The following SLC20A2 variants were observed in gnomAD, a reference collection of about 807,000 sequenced individuals.
The protein encoded by SLC20A2 is sodium-dependent phosphate transporter 2.
SLC20A2 carries 30 observed loss-of-function variants against 61.0 expected under a neutral mutation model. That is an observed-to-expected ratio of 0.49 (90% confidence interval 0.37 to 0.67). The LOEUF (loss-of-function observed/expected upper bound fraction) is 0.67. SLC20A2 is among the 30% of genes least tolerant of loss of function. The pLI is 0.00. For synonymous variants in SLC20A2, 351 were observed against 353.3 expected (o/e 0.99, Z 0.07); for missense variants, 626 against 866.4 (o/e 0.72, Z 3.48).
intron 1 of SLC20A2, among the ~76,000 whole-genome samples, chr8:42,499,529 G>A (rs1008938235): frequency 6.6e-6 from 1 of 152,146 alleles, no homozygotes; most frequent in Middle Eastern, 3.2e-3. Context: ...CTACAGAAAC[G>A]TCTGTGAAAT....
At chr8:42,464,125 A>G (rs1806954375) in intron 3 of SLC20A2, among the ~76,000 whole-genome samples, 2 of 3,448 alleles carry the variant, frequency 5.8e-4, no homozygotes, top group Non-Finnish European at 1.5e-3. Context: ...TTTTTTTTTG[A>G]GACAGGGTCT....
At chr8:42,528,047 A>G (rs1168867271) in intron 1 of SLC20A2, among the ~76,000 whole-genome samples, 1 of 152,176 alleles carries the variant, frequency 6.6e-6, no homozygotes, top group Non-Finnish European at 1.5e-5. Context: ...TATTACCACT[A>G]AGCACTGATT....
intron 1 of SLC20A2, among the ~76,000 whole-genome samples, chr8:42,487,272 G>C (rs7822989): frequency 0.011 from 1,609 of 151,232 alleles, 35 homozygotes; most frequent in African/African-American, 0.037. Flanking sequence ...CTGCCTCCCG[G>C]GTTCACGCCA....
intron 1 of SLC20A2, among the ~76,000 whole-genome samples, chr8:42,506,376 G>A (rs1295625067): frequency 6.6e-6 from 1 of 152,158 alleles, no homozygotes; most frequent in Non-Finnish European, 1.5e-5. Context: ...CTGTAAAATG[G>A]GGATAATGTT....
intron 2 of SLC20A2, among the ~76,000 whole-genome samples, chr8:42,469,217 C>T (rs1807431697): frequency 6.6e-6 from 1 of 152,180 alleles, no homozygotes; most frequent in South Asian, 2.1e-4. Context: ...ATGGTAATTA[C>T]ACCACCATCT....
chr8:42,433,839 A>G (rs1253169331), intron 8 of SLC20A2, among the ~76,000 whole-genome samples: 1 of 152,170 alleles, frequency 6.6e-6, no homozygotes, highest in East Asian at 1.9e-4. Context: ...TATCTCTTTG[A>G]GACTCTGCTT....
chr8:42,429,143 TA>T, intron 9 of SLC20A2, among the ~76,000 whole-genome samples: 1 of 152,228 alleles, frequency 6.6e-6, no homozygotes, highest in Non-Finnish European at 1.5e-5. Flanking sequence ...CAGTCATTTC[TA>T]AAACGCAAAG....
At position 42,436,884 on chromosome 8, in the gene SLC20A2, G is replaced by C. The variant is rs1404742011; in HGVS notation, c.1523+105C>G. The C allele has an allele frequency of 5.8e-6, 6 of 1,029,650 alleles. No homozygotes were observed. The African/African-American group carries it at 6.5e-5, about 11-fold the overall frequency. The allele number at this position is 1,029,650 out of a possible 1,614,324, so 63.8% of individuals were successfully genotyped here. A position where few individuals can be genotyped will look rare whatever the true frequency, so the allele number is the denominator to read the frequency against. ...CCTGCGCACCCCTATCCCTGGCAGG[G>C]ACTTCCATCGGTGCCGTTCACTGCT... On this transcript the variant is annotated intron_variant, in intron 8 of 10. Coordinates refer to ENST00000520262, the MANE Select transcript of SLC20A2 (RefSeq NM_001257180.2).
At chr8:42,506,291 C>A (rs1276385627) in intron 1 of SLC20A2, among the ~76,000 whole-genome samples, 2 of 152,212 alleles carry the variant, frequency 1.3e-5, no homozygotes, top group Non-Finnish European at 1.5e-5. Flanking sequence ...GACCTGGGTT[C>A]AAAGTGTACC....
intron 1 of SLC20A2, among the ~76,000 whole-genome samples, chr8:42,514,071 T>C (rs930596817): frequency 5.9e-5 from 9 of 152,208 alleles, no homozygotes; most frequent in Non-Finnish European, 7.3e-5. Flanking sequence ...GGGTCCACTA[T>C]CCTGTAGCTC....
In SLC20A2 at chr8:42,417,115, T is replaced by A. The variant is rs569765260; in HGVS notation, c.*688A>T. The A allele has an allele frequency of 3.2e-4, 49 of 152,846 alleles. No homozygotes were observed. The highest frequency in any genetic ancestry group is 1.2e-3 in the African/African-American group (48 of 41,558). The allele number at this position is 152,846 out of a possible 1,614,324, so 9.5% of individuals were successfully genotyped here. ...TGATTCCCCTGCTTCTTTGGTACTT[T>A]CCAAAATTCTCTGATCAAAAAAGTA... On this transcript the variant is annotated 3_prime_UTR_variant, in exon 11 of 11. Transcript: ENST00000520262.
intron 1 of SLC20A2, among the ~76,000 whole-genome samples, chr8:42,533,471 C>G (rs1266716624): frequency 6.6e-6 from 1 of 151,844 alleles, no homozygotes; most frequent in African/African-American, 2.4e-5. Context: ...CAAAAATTAG[C>G]TGGGCTTAGT....
rs563472801 is a variant in SLC20A2 at position 42,431,118 on chromosome 8, G to A, written c.1524-869C>T. ...AAAAAACTGGAAATGATTAAGCTTA[G>A]TGAGGAAGGCATGTCAAAATCGGAG... is the stretch of plus-strand genomic sequence containing the variant. On this transcript the variant is annotated intron_variant, in intron 8 of 10. Transcript: ENST00000520262. Among the ~76,000 whole-genome samples the A allele has an allele frequency of 3.3e-5, 5 of 152,360 alleles. No homozygotes were observed. In the South Asian group the frequency reaches 1.0e-3, roughly 32 times the overall value.
intron 5 of SLC20A2, among the ~76,000 whole-genome samples, chr8:42,446,117 A>G (rs1332115923): frequency 2.0e-5 from 3 of 152,214 alleles, no homozygotes; most frequent in African/African-American, 2.4e-5. Context: ...CACCTGGCCC[A>G]AGGAATAAGA....
Position 42,417,053 on chromosome 8 carries a change from T to A in SLC20A2, c.*750A>T, listed in dbSNP as rs1021598954. 2 of 152,624 alleles carry A rather than the reference T, an allele frequency of 1.3e-5. No homozygotes were observed. The highest frequency in any genetic ancestry group is 6.5e-5 in the Admixed American group (1 of 15,280). 9.5% of individuals were successfully genotyped at this position (152,624 alleles called of 1,614,324 possible). A position where few individuals can be genotyped will look rare whatever the true frequency, so the allele number is the denominator to read the frequency against. ...CTGGGGCAGGCGTGATCAGTGAGGG[T>A]GGGAGACAGACAATGTGAAAACGTA... On this transcript the variant is annotated 3_prime_UTR_variant, in exon 11 of 11. Coordinates refer to ENST00000520262, the MANE Select transcript of SLC20A2 (RefSeq NM_001257180.2).
intron 6 of SLC20A2, among the ~76,000 whole-genome samples, chr8:42,441,492 C>T (rs1428206365): frequency 6.7e-6 from 1 of 149,272 alleles, no homozygotes. Context: ...TGTTTTGAGA[C>T]AGAGTCTTAC....
chr8:42,427,225 T>C (rs1803475122), intron 10 of SLC20A2, among the ~76,000 whole-genome samples: 2 of 152,244 alleles, frequency 1.3e-5, no homozygotes, highest in Non-Finnish European at 2.9e-5. Flanking sequence ...TTCCTCTGCC[T>C]CAGTTTCCTC....
intron 1 of SLC20A2, among the ~76,000 whole-genome samples, chr8:42,489,159 G>T (rs765669310): frequency 2.0e-5 from 3 of 151,968 alleles, no homozygotes; most frequent in African/African-American, 4.8e-5. Context: ...GGCTGGTCTC[G>T]AACTCCTGAC....
chr8:42,476,465 C>G (rs1344397736), intron 1 of SLC20A2, among the ~76,000 whole-genome samples: 1 of 152,102 alleles, frequency 6.6e-6, no homozygotes, highest in Non-Finnish European at 1.5e-5. Context: ...AGTGGCTGTA[C>G]TACTGTACAT....
Sources: gnomAD v4.1 joint callset for allele counts (sites outside exome capture counted in the v4.1 genomes callset) on GRCh38, gnomAD v4.1.1 for gene constraint, MANE v1.5 for transcripts, NCBI Gene and HGNC (gene_info 2026-07-23, HGNC 2026-07-21) for gene names.